The following INTS4 variants were observed in gnomAD, a reference collection of about 807,000 sequenced individuals.
The protein encoded by INTS4 is MSTP093.
INTS4 carries 70 observed loss-of-function variants against 119.5 expected under a neutral mutation model. The observed-to-expected ratio is 0.59, with a 90% CI of 0.48 to 0.71. INTS4 has a LOEUF of 0.71. Among genes scored for constraint, INTS4 ranks in the 30% least tolerant of loss-of-function variants. The probability of loss-of-function intolerance (pLI) is 0.00; values close to 1 mark genes in which losing one functional copy is unlikely to be tolerated. For synonymous variants in INTS4, 316 were observed against 419.6 expected, an observed-to-expected ratio of 0.75 and a Z score of 3.02; for missense variants, 867 against 1,173.2, an observed-to-expected ratio of 0.74 and a Z score of 3.81.
At chr11:77,941,709 T>C (rs1224219062) in intron 8 of INTS4, among the ~76,000 whole-genome samples, 2 of 152,192 alleles carry the variant, frequency 1.3e-5, no homozygotes, top group African/African-American at 4.8e-5. Flanking sequence ...TTTCACCACG[T>C]TGGGCAGGCT....
chr11:77,907,476 T>C (rs1203443702), intron 16 of INTS4, among the ~76,000 whole-genome samples: 1 of 152,194 alleles, frequency 6.6e-6, no homozygotes. Flanking sequence ...ACTAAAATGA[T>C]TATCCAATCT....
At chr11:77,910,570 T>C (rs1307212259) in intron 15 of INTS4, among the ~76,000 whole-genome samples, 1 of 152,038 alleles carries the variant, frequency 6.6e-6, no homozygotes, top group Non-Finnish European at 1.5e-5. Flanking sequence ...TGTGCACATG[T>C]ACCCTAAAAC....
At chr11:77,993,470 T>G (rs1460937646) in intron 1 of INTS4, among the ~76,000 whole-genome samples, 6 of 152,120 alleles carry the variant, frequency 3.9e-5, no homozygotes, top group African/African-American at 1.4e-4. Context: ...GCATATCTGG[T>G]CATGTGAGGA....
Position 77,928,553 on chromosome 11 carries a change from A to G in INTS4, c.1166-6T>C, listed in dbSNP as rs1953567372. On this transcript the variant is annotated splice_polypyrimidine_tract_variant and splice_region_variant and intron_variant, in intron 10 of 22. Transcript: ENST00000534064. Reference sequence around the variant, plus strand: ...CACAGCAGCAATACGAACCTCTAGAAAAAAGAACAAATGAAATTGCACATC... The same window carrying G: ...CACAGCAGCAATACGAACCTCTAGAGAAAAGAACAAATGAAATTGCACATC... 1 of 1,556,544 alleles carries G rather than the reference A, an allele frequency of 6.4e-7. No homozygotes were observed.
Position 77,894,292 on chromosome 11 carries a change from C to T in INTS4, c.2286G>A (p.Gln762=), listed in dbSNP as rs777212284. The T allele has an allele frequency of 5.3e-6, 8 of 1,518,560 alleles. No homozygotes were observed. Among genetic ancestry groups the T allele is most frequent in the Non-Finnish European group, 6.4e-6 (7 of 1,099,444 alleles). The allele number at this position is 1,518,560 out of a possible 1,614,324, so 94.1% of individuals were successfully genotyped here. A position where few individuals can be genotyped will look rare whatever the true frequency, so the allele number is the denominator to read the frequency against. ...CAGAAGAGTTATAAAATACTTACCT[C>T]TGAAAAAAGTCTACTTCCTGTAAAA... ...EKFLQEVDFF[Q]RYFIADLPHL... The change falls in exon 19 of 23, where the codon CAG becomes CAA. Residue 762 remains glutamine (Q), a splice_region_variant and synonymous_variant. Coordinates refer to ENST00000534064, the MANE Select transcript of INTS4 (RefSeq NM_033547.4).
intron 22 of INTS4, 93 bp from the exon 23 acceptor site, chr11:77,879,220 G>C: frequency 7.2e-7 from 1 of 1,384,950 alleles, no homozygotes; most frequent in Non-Finnish European, 9.9e-7. Flanking sequence ...AATGGAAGCA[G>C]TAGGGAGAAA....
chr11:77,964,488 G>A (rs1855398453), intron 4 of INTS4, among the ~76,000 whole-genome samples: 1 of 151,834 alleles, frequency 6.6e-6, no homozygotes, highest in Non-Finnish European at 1.5e-5. Context: ...GCAGGAGAAC[G>A]GCGTGAACCC....
At chr11:77,969,022 C>T (rs1855603545) in intron 4 of INTS4, among the ~76,000 whole-genome samples, 1 of 152,076 alleles carries the variant, frequency 6.6e-6, no homozygotes, top group Non-Finnish European at 1.5e-5. Context: ...CAGCTCACTG[C>T]AGCCTCTGCC....
intron 8 of INTS4, among the ~76,000 whole-genome samples, chr11:77,955,706 G>A (rs938614017): frequency 6.6e-6 from 1 of 152,086 alleles, no homozygotes; most frequent in African/African-American, 2.4e-5. Flanking sequence ...ATGTTGGCCA[G>A]GATGGTCTCA....
chr11:77,894,155 G>T, intron 19 of INTS4, 135 bp downstream of exon 19: 1 of 526,602 alleles, frequency 1.9e-6, no homozygotes. Flanking sequence ...TAAGGTTAAC[G>T]ACATGGCCAC....
intron 7 of INTS4, 84 bp from the exon 8 acceptor site, chr11:77,956,146 C>T (rs1159436158): frequency 6.7e-7 from 1 of 1,499,756 alleles, no homozygotes; most frequent in Non-Finnish European, 8.9e-7. Context: ...CAGTGGCTCA[C>T]ATCTATAATC....
At chr11:77,898,663 T>C (rs1187775706) in intron 18 of INTS4, among the ~76,000 whole-genome samples, 2 of 152,208 alleles carry the variant, frequency 1.3e-5, no homozygotes, top group Non-Finnish European at 2.9e-5. Context: ...CTAAAACTAA[T>C]ATTAGTTAAC....
At position 77,912,546 on chromosome 11, in the gene INTS4, T is replaced by C. The variant is rs538609059; in HGVS notation, c.1923-4736A>G. Among the ~76,000 whole-genome samples, 5 of 152,344 alleles carry C rather than the reference T, an allele frequency of 3.3e-5. No homozygotes were observed. In the East Asian group the frequency reaches 9.6e-4, roughly 29 times the overall value. On this transcript the variant is annotated intron_variant, in intron 15 of 22. Coordinates refer to ENST00000534064, the MANE Select transcript of INTS4 (RefSeq NM_033547.4). Reference sequence around the variant, plus strand: ...AGTTTACACAATAGGCTGAATTAATTATTTAAATCACTATTAAAGATAGTC... The same window carrying C: ...AGTTTACACAATAGGCTGAATTAATCATTTAAATCACTATTAAAGATAGTC...
chr11:77,968,816 C>CAT (rs1051768066), intron 4 of INTS4, among the ~76,000 whole-genome samples: 16 of 151,418 alleles, frequency 1.1e-4, no homozygotes, highest in South Asian at 2.1e-4. Context: ...GAACTGAAAA[C>CAT]ATATATATAT....
intron 11 of INTS4, among the ~76,000 whole-genome samples, chr11:77,926,003 T>C (rs1464023487): frequency 1.3e-5 from 2 of 152,264 alleles, no homozygotes; most frequent in African/African-American, 2.4e-5. Flanking sequence ...ACTGTTTATC[T>C]TCTGCAAAAC....
At chr11:77,947,122 A>C (rs79193212) in intron 8 of INTS4, among the ~76,000 whole-genome samples, 1 of 151,288 alleles carries the variant, frequency 6.6e-6, no homozygotes, top group Non-Finnish European at 1.5e-5. Flanking sequence ...AAAAAAAAAA[A>C]CAAGTAAGAA....
In INTS4 at chr11:77,903,675, T is replaced by G. The variant is rs575751778; in HGVS notation, c.2017-55A>C. The G allele has an allele frequency of 4.4e-6, 6 of 1,360,008 alleles. No individual in the cohort carries two copies. The African/African-American group carries it at 8.6e-5, about 20-fold the overall frequency. 84.2% of individuals were successfully genotyped at this position (1,360,008 alleles called of 1,614,324 possible). Reference sequence around the variant, plus strand: ...TACCGAGGTCACAAAGACTGGCCTATCATTTGGGATTTACATTTTTGTTTT... The same window carrying G: ...TACCGAGGTCACAAAGACTGGCCTAGCATTTGGGATTTACATTTTTGTTTT... On this transcript the variant is annotated intron_variant, in intron 16 of 22. Transcript: ENST00000534064.
chr11:77,980,574 T>C (rs1474879890), intron 3 of INTS4, among the ~76,000 whole-genome samples: 1 of 152,178 alleles, frequency 6.6e-6, no homozygotes, highest in Non-Finnish European at 1.5e-5. Context: ...AGACAAGATC[T>C]AATTATGTTG....
intron 22 of INTS4, among the ~76,000 whole-genome samples, chr11:77,880,444 T>A (rs1194677060): frequency 6.6e-6 from 1 of 152,200 alleles, no homozygotes; most frequent in Non-Finnish European, 1.5e-5. Flanking sequence ...AGCCATGTGA[T>A]AAGCACACAC....
Sources: allele counts gnomAD v4.1 joint callset (sites outside exome capture counted in the v4.1 genomes callset), GRCh38; gene constraint gnomAD v4.1.1; transcripts MANE v1.5; gene names NCBI Gene and HGNC (gene_info 2026-07-23, HGNC 2026-07-21).